Variants in GRID2 observed in about 807,000 individuals in gnomAD.
GRID2 encodes glutamate receptor ionotropic, delta-2.
In GRID2, 33 loss-of-function variants were observed where a neutral mutation model predicts 114.8. The observed-to-expected ratio is 0.29, with a 90% CI of 0.22 to 0.38. The LOEUF (loss-of-function observed/expected upper bound fraction) is 0.38, where lower values mean the gene tolerates loss of function less well. Among genes scored for constraint, GRID2 ranks in the 10% least tolerant of loss-of-function variants. The pLI is 1.00. For synonymous variants in GRID2, 505 were observed against 449.9 expected (o/e 1.12, Z -1.55); for missense variants, 1,184 against 1,257.7 (o/e 0.94, Z 0.89).
intron 1 of GRID2, among the ~76,000 whole-genome samples, chr4:92,519,603 A>T (rs1724670307): frequency 1.3e-5 from 2 of 149,768 alleles, no homozygotes; most frequent in Non-Finnish European, 3.0e-5. Flanking sequence ...ATATGAGATT[A>T]TATATATATA....
At chr4:92,658,187 TAATA>T (rs1328445725) in intron 2 of GRID2, among the ~76,000 whole-genome samples, 2 of 151,856 alleles carry the variant, frequency 1.3e-5, no homozygotes, top group Non-Finnish European at 2.9e-5. Flanking sequence ...TATGGGAATA[TAATA>T]AATGATCCAT....
intron 1 of GRID2, among the ~76,000 whole-genome samples, chr4:92,360,004 C>T (rs1039353905): frequency 2.6e-5 from 4 of 151,896 alleles, no homozygotes; most frequent in African/African-American, 9.7e-5. Flanking sequence ...TTGTAAACTA[C>T]CTTTAATGGT....
intron 13 of GRID2, among the ~76,000 whole-genome samples, chr4:93,623,280 A>G (rs1371760366): frequency 6.6e-6 from 1 of 151,626 alleles, no homozygotes; most frequent in African/African-American, 2.4e-5. Context: ...TACATTAGGT[A>G]TTTCTCCTAA....
chr4:92,504,706 C>A (rs1579481978), intron 1 of GRID2, among the ~76,000 whole-genome samples: 1 of 151,816 alleles, frequency 6.6e-6, no homozygotes, highest in East Asian at 1.9e-4. Flanking sequence ...TTTGATAAAA[C>A]TCTTATAAAA....
At chr4:92,877,576 C>T (rs752809864) in intron 2 of GRID2, among the ~76,000 whole-genome samples, 2 of 152,118 alleles carry the variant, frequency 1.3e-5, no homozygotes, top group Non-Finnish European at 2.9e-5. Flanking sequence ...TTAAGTTATC[C>T]AGGTCAGCAT....
intron 2 of GRID2, among the ~76,000 whole-genome samples, chr4:92,926,848 A>G (rs1440505069): frequency 6.6e-6 from 1 of 151,856 alleles, no homozygotes; most frequent in Non-Finnish European, 1.5e-5. Context: ...GCAATAACTA[A>G]CTCATTCCCA....
intron 1 of GRID2, among the ~76,000 whole-genome samples, chr4:92,543,156 A>T (rs1008853403): frequency 1.3e-5 from 2 of 152,076 alleles, no homozygotes; most frequent in Non-Finnish European, 2.9e-5. Flanking sequence ...AAAGATATAT[A>T]ATATAATATT....
chr4:92,798,348 T>A (rs1739991227), intron 2 of GRID2, among the ~76,000 whole-genome samples: 1 of 152,000 alleles, frequency 6.6e-6, no homozygotes, highest in East Asian at 1.9e-4. Context: ...TCAAGAATAC[T>A]AAAAAAAGTG....
intron 1 of GRID2, among the ~76,000 whole-genome samples, chr4:92,526,084 A>G (rs1341591870): frequency 6.6e-6 from 1 of 152,040 alleles, no homozygotes; most frequent in African/African-American, 2.4e-5. Flanking sequence ...AAGCTCAGGA[A>G]CAAGTCTCAA....
At chr4:92,705,042 A>G (rs1442928030) in intron 2 of GRID2, among the ~76,000 whole-genome samples, 1 of 151,968 alleles carries the variant, frequency 6.6e-6, no homozygotes, top group Non-Finnish European at 1.5e-5. Context: ...TTTTTTCTTT[A>G]CTTTGGATGA....
At chr4:92,622,245 T>C (rs1730310561) in intron 2 of GRID2, among the ~76,000 whole-genome samples, 1 of 151,766 alleles carries the variant, frequency 6.6e-6, no homozygotes, top group Admixed American at 6.6e-5. Context: ...TTTCCTGTAA[T>C]ATTAGGAATG....
At chr4:93,194,005 A>T (rs991635304) in intron 4 of GRID2, among the ~76,000 whole-genome samples, 9 of 152,112 alleles carry the variant, frequency 5.9e-5, no homozygotes, top group Non-Finnish European at 1.3e-4. Flanking sequence ...ATCTTCAAGA[A>T]TTTTTTCTCT....
chr4:93,598,762 C>G (rs1388455236), intron 13 of GRID2, among the ~76,000 whole-genome samples: 1 of 152,076 alleles, frequency 6.6e-6, no homozygotes, highest in East Asian at 1.9e-4. Flanking sequence ...TTTCTTTATC[C>G]TCTTTCATAG....
intron 1 of GRID2, among the ~76,000 whole-genome samples, chr4:92,340,510 A>T (rs754578267): frequency 1.3e-5 from 2 of 152,118 alleles, no homozygotes; most frequent in African/African-American, 2.4e-5. Context: ...TTCCCTGTAG[A>T]AATGCTACCT....
chr4:92,662,072 C>T (rs924575073), intron 2 of GRID2, among the ~76,000 whole-genome samples: 15 of 151,098 alleles, frequency 9.9e-5, no homozygotes, highest in Middle Eastern at 3.4e-3. Flanking sequence ...TTTTATTCTG[C>T]CACGTAAATC....
At chr4:93,619,464 A>AT (rs1217874640) in intron 13 of GRID2, among the ~76,000 whole-genome samples, 1 of 152,250 alleles carries the variant, frequency 6.6e-6, no homozygotes, top group Non-Finnish European at 1.5e-5. Flanking sequence ...CAATCACATT[A>AT]TCCCCCACTG....
chr4:93,360,266 C>A (rs1761765216), intron 8 of GRID2, among the ~76,000 whole-genome samples: 1 of 151,646 alleles, frequency 6.6e-6, no homozygotes, highest in Admixed American at 6.6e-5. Context: ...GTATTCATTT[C>A]TTCCTTTTGC....
chr4:92,438,463 CT>C (rs1399459737), intron 1 of GRID2, among the ~76,000 whole-genome samples: 1 of 151,556 alleles, frequency 6.6e-6, no homozygotes, highest in Non-Finnish European at 1.5e-5. Context: ...TTGTCATTTT[CT>C]TTGTTTTTAT....
intron 14 of GRID2, among the ~76,000 whole-genome samples, chr4:93,661,840 G>A (rs1723524689): frequency 6.6e-6 from 1 of 152,102 alleles, no homozygotes; most frequent in African/African-American, 2.4e-5. Flanking sequence ...CAACAAGAGT[G>A]GTTCTTATTA....
Sources: allele counts gnomAD v4.1 joint callset (sites outside exome capture counted in the v4.1 genomes callset), GRCh38; gene constraint gnomAD v4.1.1; transcripts MANE v1.5; gene names NCBI Gene and HGNC (gene_info 2026-07-23, HGNC 2026-07-21).